Variants in CPA4 observed in about 807,000 individuals in gnomAD.
CPA4 encodes carboxypeptidase A4, also known as carboxypeptidase A3.
Under a neutral mutation model 54.7 loss-of-function variants are expected in CPA4, and 49 were observed. The observed-to-expected ratio is 0.90, with a 90% CI of 0.71 to 1.14. The LOEUF (loss-of-function observed/expected upper bound fraction) is 1.14, where lower values mean the gene tolerates loss of function less well. CPA4 is among the 50% of genes most tolerant of loss of function. CPA4 has a pLI of 0.00. For synonymous variants in CPA4, 215 were observed against 206.8 expected, an observed-to-expected ratio of 1.04 and a Z score of -0.34; for missense variants, 487 against 525.1, an observed-to-expected ratio of 0.93 and a Z score of 0.71.
intron 5 of CPA4, 164 bp downstream of exon 5, chr7:130,304,743 C>G (rs1432772881): frequency 9.7e-6 from 6 of 618,772 alleles, no homozygotes; most frequent in Non-Finnish European, 1.7e-5. Context: ...GAGCCCCTTG[C>G]TTTTGTCTAA....
chr7:130,315,894 G>C (rs1246013232), intron 10 of CPA4, among the ~76,000 whole-genome samples: 1 of 152,118 alleles, frequency 6.6e-6, no homozygotes, highest in African/African-American at 2.4e-5. Context: ...GTGTATATGA[G>C]AACTTATGAA....
intron 10 of CPA4, among the ~76,000 whole-genome samples, chr7:130,320,069 A>C (rs1794064209): frequency 6.6e-6 from 1 of 152,072 alleles, no homozygotes; most frequent in African/African-American, 2.4e-5. Context: ...CTGAGCCCCA[A>C]CCCTTGTAAG....
chr7:130,309,709 A>T (rs1295143100), intron 8 of CPA4, among the ~76,000 whole-genome samples: 1 of 152,204 alleles, frequency 6.6e-6, no homozygotes, highest in African/African-American at 2.4e-5. Context: ...CTCAGCTTCC[A>T]ATTTCAAATC....
rs1442336145 is a variant in CPA4 at position 130,295,744 on chromosome 7, C to CT, written c.68+2497dup. Among the ~76,000 whole-genome samples the CT allele has an allele frequency of 2.0e-5, 3 of 152,184 alleles. No homozygotes were observed. In the East Asian group the frequency reaches 5.8e-4, roughly 29 times the overall value. On this transcript the variant is annotated intron_variant, in intron 1 of 10. Transcript: ENST00000222482. ...CCTGTAATCCCAGCACTTTGGGAGG[C>CT]TGAGGCAGGTGGATCACCTGAGGTC...
chr7:130,321,013 C>T lies in CPA4; in HGVS notation c.1079-1476C>T, dbSNP rs142035756. ...CAGGAGTTTGACACCAGCTGGGCAGCATAGTAAGACCCCATCTCTGCAAAT... is the reference window on the plus strand; with the variant it reads ...CAGGAGTTTGACACCAGCTGGGCAGTATAGTAAGACCCCATCTCTGCAAAT... On this transcript the variant is annotated intron_variant, in intron 10 of 10. Coordinates refer to ENST00000222482, the MANE Select transcript of CPA4 (RefSeq NM_016352.4). Among the ~76,000 whole-genome samples the T allele has an allele frequency of 3.3e-5, 5 of 152,148 alleles. No homozygotes were observed. The East Asian group carries it at 9.7e-4, about 29-fold the overall frequency.
At chr7:130,305,707 C>G in intron 5 of CPA4, 109 bp from the exon 6 acceptor site, 1 of 837,486 alleles carries the variant, frequency 1.2e-6, no homozygotes, top group Admixed American at 2.0e-5. Flanking sequence ...AACATTTGAT[C>G]TCTGAATTAT....
At chr7:130,296,893 C>T (rs1406622231) in intron 1 of CPA4, among the ~76,000 whole-genome samples, 3 of 151,624 alleles carry the variant, frequency 2.0e-5, no homozygotes, top group East Asian at 3.9e-4. Flanking sequence ...GTTCAGCGGA[C>T]GGGCCCTTGT....
chr7:130,305,405 C>T (rs1272339126), intron 5 of CPA4, among the ~76,000 whole-genome samples: 3 of 152,182 alleles, frequency 2.0e-5, no homozygotes, highest in African/African-American at 7.2e-5. Context: ...CTATAGCGAG[C>T]CCCCCTTCTT....
At chr7:130,311,263 C>T (rs894060462) in intron 9 of CPA4, among the ~76,000 whole-genome samples, 2 of 152,196 alleles carry the variant, frequency 1.3e-5, no homozygotes, top group Admixed American at 6.5e-5. Flanking sequence ...ATTGTGGACC[C>T]ACTGCTTGCC....
intron 1 of CPA4, among the ~76,000 whole-genome samples, chr7:130,297,720 A>C (rs569717025): frequency 6.6e-6 from 1 of 152,304 alleles, no homozygotes; most frequent in South Asian, 2.1e-4. Flanking sequence ...CACTCTCAAC[A>C]GGTCCTTGAG....
intron 1 of CPA4, among the ~76,000 whole-genome samples, chr7:130,297,598 C>G (rs1225201389): frequency 6.6e-6 from 1 of 152,162 alleles, no homozygotes; most frequent in Non-Finnish European, 1.5e-5. Flanking sequence ...TGGAGAGCCC[C>G]TAGAACCTTC....
intron 4 of CPA4, among the ~76,000 whole-genome samples, chr7:130,302,865 G>C (rs1793761133): frequency 6.6e-6 from 1 of 152,084 alleles, no homozygotes; most frequent in Non-Finnish European, 1.5e-5. Context: ...TCCTAGTCCA[G>C]GTTTGCCTAA....
intron 1 of CPA4, among the ~76,000 whole-genome samples, chr7:130,296,432 G>T (rs1793649129): frequency 6.6e-6 from 1 of 152,218 alleles, no homozygotes; most frequent in Admixed American, 6.5e-5. Context: ...CTGCGCCCAG[G>T]AATGTCTACA....
chr7:130,307,629 CAGAAA>C (rs1325312296), intron 7 of CPA4, among the ~76,000 whole-genome samples: 21 of 127,252 alleles, frequency 1.7e-4, no homozygotes, highest in Non-Finnish European at 1.5e-4. Context: ...GACTCCATCT[CAGAAA>C]AAAAAAAAAA....
intron 10 of CPA4, among the ~76,000 whole-genome samples, chr7:130,318,153 G>T (rs955572982): frequency 3.9e-5 from 6 of 152,190 alleles, no homozygotes; most frequent in African/African-American, 1.2e-4. Context: ...GGAGTGAGGG[G>T]CCAAAGACAG....
At chr7:130,315,582 G>A (rs1793975566) in intron 10 of CPA4, among the ~76,000 whole-genome samples, 1 of 152,080 alleles carries the variant, frequency 6.6e-6, no homozygotes, top group African/African-American at 2.4e-5. Context: ...AAAAGAAAGA[G>A]GCACCCCGAA....
At chr7:130,293,865 T>C (rs574655024) in intron 1 of CPA4, among the ~76,000 whole-genome samples, 2 of 152,088 alleles carry the variant, frequency 1.3e-5, no homozygotes, top group Non-Finnish European at 2.9e-5. Context: ...CAGAGACACA[T>C]GCCTGAACAC....
intron 1 of CPA4, among the ~76,000 whole-genome samples, chr7:130,296,273 C>T (rs542595371): frequency 3.9e-5 from 6 of 152,254 alleles, no homozygotes; most frequent in South Asian, 2.1e-4. Flanking sequence ...GGGCTTCACT[C>T]GGCACCCGCT....
chr7:130,294,173 G>A (rs972053446), intron 1 of CPA4, among the ~76,000 whole-genome samples: 5 of 152,114 alleles, frequency 3.3e-5, no homozygotes, highest in African/African-American at 4.8e-5. Context: ...TAAGGAACGC[G>A]CTCAAGGCCA....
Sources: allele counts gnomAD v4.1 joint callset (sites outside exome capture counted in the v4.1 genomes callset), GRCh38; gene constraint gnomAD v4.1.1; transcripts MANE v1.5; gene names NCBI Gene and HGNC (gene_info 2026-07-23, HGNC 2026-07-21).